Variants in CREB5 observed in about 807,000 individuals in gnomAD.
CREB5 encodes cyclic AMP-responsive element-binding protein 5.
Under a neutral mutation model 57.1 loss-of-function variants are expected in CREB5, and 19 were observed. That is an observed-to-expected ratio of 0.33 (90% CI 0.23 to 0.49). The LOEUF (loss-of-function observed/expected upper bound fraction) is 0.49, where lower values mean the gene tolerates loss of function less well. CREB5 is among the 20% of genes least tolerant of loss of function. The pLI is 0.99. For synonymous variants in CREB5, 238 were observed against 238.3 expected (o/e 1.00, Z 0.01); for missense variants, 579 against 671.6 (o/e 0.86, Z 1.52).
At chr7:28,570,601 C>T in intron 5 of CREB5, 64 bp downstream of exon 5, 1 of 1,550,278 alleles carries the variant, frequency 6.5e-7, no homozygotes, top group Non-Finnish European at 8.8e-7. Flanking sequence ...CCTGGACTTC[C>T]TCCTGGTTTC....
intron 3 of CREB5, among the ~76,000 whole-genome samples, chr7:28,503,898 A>G (rs1207484655): frequency 6.6e-6 from 1 of 151,842 alleles, no homozygotes; most frequent in African/African-American, 2.4e-5. Flanking sequence ...CCCCCAGAGC[A>G]GAAGGACCAG....
intron 1 of CREB5, among the ~76,000 whole-genome samples, chr7:28,367,808 AAAAC>A (rs142968127): frequency 0.29 from 43,672 of 150,184 alleles, 6,480 homozygotes; most frequent in African/African-American, 0.32. Flanking sequence ...ACTCCATTTC[AAAAC>A]AAACAAACAG....
intron 1 of CREB5, among the ~76,000 whole-genome samples, chr7:28,463,788 A>T (rs1210844107): frequency 6.6e-6 from 1 of 152,174 alleles, no homozygotes; most frequent in African/African-American, 2.4e-5. Context: ...TGCTGAACAC[A>T]TTTGTTGGTC....
chr7:28,366,874 T>C (rs1018677984), intron 1 of CREB5, among the ~76,000 whole-genome samples: 1 of 152,198 alleles, frequency 6.6e-6, no homozygotes, highest in African/African-American at 2.4e-5. Flanking sequence ...TATAGTAAGA[T>C]TTGGGACAGA....
intron 1 of CREB5, among the ~76,000 whole-genome samples, chr7:28,435,848 A>G (rs1262163126): frequency 6.6e-6 from 1 of 152,080 alleles, no homozygotes; most frequent in Non-Finnish European, 1.5e-5. Context: ...TGACTCTTGG[A>G]TTTACCTAGA....
At chr7:28,788,521 C>T (rs1008618884) in intron 7 of CREB5, among the ~76,000 whole-genome samples, 1 of 152,206 alleles carries the variant, frequency 6.6e-6, no homozygotes, top group African/African-American at 2.4e-5. Flanking sequence ...TACAGTGCAT[C>T]GCAGGCAATG....
rs574104551 is a variant in CREB5 at position 28,337,209 on chromosome 7, A to G, written c.-25+37768A>G. 1.6e-4 allele frequency among the ~76,000 whole-genome samples: 24 copies of G among 152,092 alleles called. 1 individual carries two copies. The highest frequency in any genetic ancestry group is 2.6e-4 in the Non-Finnish European group (18 of 67,942). ...AAGTTCTGAAATATCTATTAGGGTCAGTTAATCTACAGTGCAGATTAAGTT... is the reference window on the plus strand; with the variant it reads ...AAGTTCTGAAATATCTATTAGGGTCGGTTAATCTACAGTGCAGATTAAGTT... On this transcript the variant is annotated intron_variant, in intron 1 of 9. Transcript: ENST00000396299.
intron 5 of CREB5, 23 bp from the exon 6 acceptor site, chr7:28,718,730 G>C (rs771866314): frequency 6.2e-7 from 1 of 1,612,242 alleles, no homozygotes; most frequent in African/African-American, 1.3e-5. Context: ...AATCATGTTT[G>C]TTTGTTTTTT....
At chr7:28,764,566 G>A (rs1307021907) in intron 7 of CREB5, among the ~76,000 whole-genome samples, 2 of 152,134 alleles carry the variant, frequency 1.3e-5, no homozygotes, top group Non-Finnish European at 2.9e-5. Context: ...TGATTTCGGT[G>A]GGTTGAAAGA....
intron 1 of CREB5, among the ~76,000 whole-genome samples, chr7:28,317,575 G>A (rs1157957187): frequency 6.6e-6 from 1 of 152,160 alleles, no homozygotes; most frequent in Non-Finnish European, 1.5e-5. Flanking sequence ...AGACAGACGT[G>A]GCTTAAAGCT....
intron 5 of CREB5, among the ~76,000 whole-genome samples, chr7:28,688,553 C>T (rs899762046): frequency 3.3e-5 from 5 of 152,030 alleles, no homozygotes; most frequent in African/African-American, 9.7e-5. Context: ...AAAGCAAAAC[C>T]GTATGTGCTT....
chr7:28,382,985 T>G (rs1421324385), intron 1 of CREB5, among the ~76,000 whole-genome samples: 1 of 152,148 alleles, frequency 6.6e-6, no homozygotes, highest in Non-Finnish European at 1.5e-5. Flanking sequence ...CTATGTAGGG[T>G]TAAGCCTTGA....
intron 5 of CREB5, among the ~76,000 whole-genome samples, chr7:28,600,646 C>T (rs149035574): frequency 2.1e-4 from 32 of 152,190 alleles, no homozygotes; most frequent in Middle Eastern, 3.4e-3. Context: ...GAGGCAAAAG[C>T]AACATTTTCA....
At chr7:28,567,162 C>G (rs1049520652) in intron 4 of CREB5, among the ~76,000 whole-genome samples, 3 of 152,180 alleles carry the variant, frequency 2.0e-5, no homozygotes, top group African/African-American at 7.2e-5. Context: ...TCAGCATCTT[C>G]CTTCATTGGC....
chr7:28,531,209 C>T (rs74740117), intron 4 of CREB5, among the ~76,000 whole-genome samples: 42 of 152,002 alleles, frequency 2.8e-4, no homozygotes, highest in East Asian at 1.4e-3. Context: ...CCCATGGCTT[C>T]GGTAATAAAG....
chr7:28,707,258 C>A (rs907125587), intron 5 of CREB5, among the ~76,000 whole-genome samples: 2 of 152,228 alleles, frequency 1.3e-5, no homozygotes, highest in African/African-American at 4.8e-5. Context: ...TTTTCTACAG[C>A]AGATCACTCA....
intron 5 of CREB5, among the ~76,000 whole-genome samples, chr7:28,609,714 C>A (rs1583412731): frequency 6.6e-6 from 1 of 152,174 alleles, no homozygotes; most frequent in Non-Finnish European, 1.5e-5. Flanking sequence ...TGGTCTCTTG[C>A]AGGGAAGAGT....
At chr7:28,583,095 T>A (rs1159803015) in intron 5 of CREB5, among the ~76,000 whole-genome samples, 1 of 152,180 alleles carries the variant, frequency 6.6e-6, no homozygotes, top group Non-Finnish European at 1.5e-5. Flanking sequence ...GGCTCCCCAT[T>A]TCCCAGGTAT....
chr7:28,370,094 T>C (rs1786677132), intron 1 of CREB5, among the ~76,000 whole-genome samples: 1 of 152,232 alleles, frequency 6.6e-6, no homozygotes, highest in African/African-American at 2.4e-5. Flanking sequence ...AGTTTAATGT[T>C]GATAAGAACA....
Sources: allele counts gnomAD v4.1 joint callset (sites outside exome capture counted in the v4.1 genomes callset), GRCh38; gene constraint gnomAD v4.1.1; transcripts MANE v1.5; gene names NCBI Gene and HGNC (gene_info 2026-07-23, HGNC 2026-07-21).